Variants in COG6 observed in about 807,000 individuals in gnomAD.
COG6 encodes component of oligomeric golgi complex 6, also known as conserved oligomeric Golgi complex subunit 6.
In COG6, 74 loss-of-function variants were observed where a neutral mutation model predicts 88.8. The observed-to-expected ratio is 0.83, with a 90% CI of 0.69 to 1.01. COG6 has a LOEUF of 1.01. COG6 is among the 50% of genes least tolerant of loss of function. COG6 has a pLI of 0.00. For synonymous variants in COG6, 286 were observed against 278.7 expected (o/e 1.03, Z -0.26); for missense variants, 800 against 797.9 (o/e 1.00, Z -0.03).
chr13:39,719,249 C>G lies in COG6; in HGVS notation c.1298C>G (p.Pro433Arg). ...CTCTTGTTTTAGGTTGAACTCCCACCACCTGATCTTGGACCAAGTTCTGCA... is the reference window on the plus strand; with the variant it reads ...CTCTTGTTTTAGGTTGAACTCCCACGACCTGATCTTGGACCAAGTTCTGCA... The part of the protein sequence containing the change: ...SKLMDKVELP[P>R]PDLGPSSALN... Residue 433 changes from proline (P) to arginine (R), a missense_variant, in exon 14 of 19, where the codon CCA becomes CGA. Transcript: ENST00000455146. The G allele has an allele frequency of 6.2e-7, 1 of 1,612,586 alleles. No homozygotes were observed.
intron 8 of COG6, chr13:39,682,531 T>TC: frequency 2.8e-6 from 1 of 353,382 alleles, no homozygotes. Context: ...CAGTGACTTT[T>TC]CCCCTGTCGT....
chr13:39,780,244 A>C (rs1210249822), intron 18 of COG6, among the ~76,000 whole-genome samples: 6 of 152,250 alleles, frequency 3.9e-5, no homozygotes, highest in African/African-American at 1.4e-4. Flanking sequence ...GATGTTTGAT[A>C]GGATCAGAAT....
At chr13:39,679,659 ATG>A (rs1876193205) in intron 6 of COG6, 39 bp downstream of exon 6, 1 of 1,217,328 alleles carries the variant, frequency 8.2e-7, no homozygotes, top group Non-Finnish European at 1.2e-6. Context: ...ATTGCTGCTT[ATG>A]TTTCCAAAAT....
chr13:39,751,538 A>C lies in COG6; in HGVS notation c.*445A>C. ...GCTTTCTTTTAATATGAGTAGGCAT[A>C]CTTAGTAGCTTTTCTGAACCTAGCC... is the stretch of plus-strand genomic sequence containing the variant. On this transcript the variant is annotated 3_prime_UTR_variant, in exon 19 of 19. Coordinates refer to ENST00000455146, the MANE Select transcript of COG6 (RefSeq NM_020751.3). 7.8e-7 allele frequency: 1 copy of C among 1,286,986 alleles called. No homozygotes were observed. Among genetic ancestry groups the C allele is most frequent in the Non-Finnish European group, 1.0e-6 (1 of 988,486 alleles). 79.7% of individuals were successfully genotyped at this position (1,286,986 alleles called of 1,614,324 possible). A position where few individuals can be genotyped will look rare whatever the true frequency, so the allele number is the denominator to read the frequency against.
chr13:39,674,452 G>C (rs1875843704), intron 4 of COG6, among the ~76,000 whole-genome samples: 1 of 151,982 alleles, frequency 6.6e-6, no homozygotes, highest in African/African-American at 2.4e-5. Flanking sequence ...AGTACCACAG[G>C]ATTCATAAAT....
At chr13:39,777,912 G>A (rs1881512319) in intron 18 of COG6, among the ~76,000 whole-genome samples, 1 of 152,142 alleles carries the variant, frequency 6.6e-6, no homozygotes. Context: ...TGCATATGTG[G>A]GAGAGAAACA....
intron 4 of COG6, among the ~76,000 whole-genome samples, chr13:39,673,698 A>T (rs1239204289): frequency 6.6e-6 from 1 of 151,972 alleles, no homozygotes. Context: ...TGTTAATATA[A>T]ATCTATTGTA....
intron 13 of COG6, among the ~76,000 whole-genome samples, chr13:39,716,408 G>A (rs1593447111): frequency 6.6e-6 from 1 of 151,966 alleles, no homozygotes; most frequent in Admixed American, 6.6e-5. Context: ...TCTTGAAGTT[G>A]GCATATAGTT....
chr13:39,704,082 A>G (rs1247004456), intron 13 of COG6, among the ~76,000 whole-genome samples: 2 of 152,064 alleles, frequency 1.3e-5, no homozygotes, highest in East Asian at 3.9e-4. Flanking sequence ...ACTGAAGTTT[A>G]TTATTGTTCA....
intron 18 of COG6, among the ~76,000 whole-genome samples, chr13:39,728,301 T>C (rs1436365885): frequency 6.6e-6 from 1 of 152,150 alleles, no homozygotes; most frequent in Non-Finnish European, 1.5e-5. Context: ...GAAAGAACTA[T>C]TGAACAAAAC....
At chr13:39,713,506 C>T (rs1398611361) in intron 13 of COG6, among the ~76,000 whole-genome samples, 2 of 152,102 alleles carry the variant, frequency 1.3e-5, no homozygotes, top group Admixed American at 6.5e-5. Flanking sequence ...GAGGTCAAGG[C>T]GGGTGGATCA....
intron 18 of COG6, among the ~76,000 whole-genome samples, chr13:39,735,266 G>A (rs181670539): frequency 1.3e-5 from 2 of 151,448 alleles, no homozygotes; most frequent in African/African-American, 4.9e-5. Context: ...TATATCTGTT[G>A]TATGTTTTTT....
chr13:39,680,150 A>T (rs899661337), intron 7 of COG6, 105 bp downstream of exon 7: 8 of 628,034 alleles, frequency 1.3e-5, no homozygotes, highest in Non-Finnish European at 2.2e-5. Context: ...GTAATCAAAC[A>T]TTTTTTAAAA....
intron 13 of COG6, among the ~76,000 whole-genome samples, chr13:39,699,877 G>C (rs1877480562): frequency 6.6e-6 from 1 of 151,760 alleles, no homozygotes; most frequent in Non-Finnish European, 1.5e-5. Flanking sequence ...TTCTATCACA[G>C]AAGTTGTATA....
intron 18 of COG6, among the ~76,000 whole-genome samples, chr13:39,759,284 A>C (rs1880942061): frequency 6.6e-6 from 1 of 152,154 alleles, no homozygotes. Context: ...CTCATGTCTT[A>C]ATTGTGATCT....
intron 18 of COG6, among the ~76,000 whole-genome samples, chr13:39,777,825 C>T (rs925235592): frequency 6.6e-6 from 1 of 152,116 alleles, no homozygotes; most frequent in South Asian, 2.1e-4. Context: ...TTGCTGCGGC[C>T]AGTGGGGTTA....
chr13:39,791,287 T>C (rs1294886642), exon 19 of COG6: 1 of 152,090 alleles, frequency 6.6e-6, no homozygotes, highest in African/African-American at 2.4e-5. Flanking sequence ...TTATATTGTA[T>C]TGAAGCTCTT....
intron 18 of COG6, among the ~76,000 whole-genome samples, chr13:39,780,384 C>T (rs1469003456): frequency 1.3e-5 from 2 of 152,186 alleles, no homozygotes; most frequent in African/African-American, 4.8e-5. Context: ...TACCCTCAGG[C>T]ATGCATGCCC....
chr13:39,676,938 G>C (rs527385659), intron 4 of COG6, among the ~76,000 whole-genome samples: 57 of 152,232 alleles, frequency 3.7e-4, no homozygotes, highest in African/African-American at 1.3e-3. Context: ...TGTAGAAAAA[G>C]TGGGGAAGAC....
Sources: allele counts gnomAD v4.1 joint callset (sites outside exome capture counted in the v4.1 genomes callset), GRCh38; gene constraint gnomAD v4.1.1; transcripts MANE v1.5; gene names NCBI Gene and HGNC (gene_info 2026-07-23, HGNC 2026-07-21).